The following CRLF3 variants were observed in gnomAD, a reference collection of about 807,000 sequenced individuals.
CRLF3 encodes cytokine receptor-like factor 3.
In CRLF3, 33 loss-of-function variants were observed where a neutral mutation model predicts 55.0. The ratio of observed to expected loss-of-function variants is 0.60; its 90% CI spans 0.46 to 0.80. The LOEUF (loss-of-function observed/expected upper bound fraction) is 0.80, where lower values mean the gene tolerates loss of function less well. Ranked by LOEUF, CRLF3 falls within the 30% of genes least tolerant of loss-of-function variation. The pLI is 0.00. For synonymous variants in CRLF3, 238 were observed against 196.8 expected (o/e 1.21, Z -1.75); for missense variants, 494 against 538.4 (o/e 0.92, Z 0.82).
chr17:30,801,666 A>C (rs565343737), intron 2 of CRLF3, among the ~76,000 whole-genome samples: 5 of 152,172 alleles, frequency 3.3e-5, no homozygotes, highest in African/African-American at 1.2e-4. Context: ...CCTGACCTCA[A>C]GTGATCCTCC....
At chr17:30,808,782 A>G (rs943634184) in intron 1 of CRLF3, among the ~76,000 whole-genome samples, 15 of 150,670 alleles carry the variant, frequency 1.0e-4, no homozygotes, top group African/African-American at 3.7e-4. Context: ...TTTAGTAGAG[A>G]CGGGGTTTCA....
Position 30,791,762 on chromosome 17 carries a change from C to T in CRLF3, c.959+678G>A, listed in dbSNP as rs534418035. The stretch of plus-strand genomic sequence containing the variant: ...CAATCTCCTGACCTCGTGATCCGCC[C>T]GCCTCAGCCTCCCAAAGTGCTGGGA... On this transcript the variant is annotated intron_variant, in intron 6 of 7. Coordinates refer to ENST00000324238, the MANE Select transcript of CRLF3 (RefSeq NM_015986.4). Among the ~76,000 whole-genome samples, 25 of 151,814 alleles carry T rather than the reference C, an allele frequency of 1.6e-4. No homozygotes were observed. In the East Asian group the frequency reaches 2.7e-3, roughly 16 times the overall value.
rs1971914599 is a variant in CRLF3 at position 30,796,171 on chromosome 17, G to A, written c.592C>T (p.Arg198Ter). ...TCTGAATTACATACCTTACACCATCGTACAATGATGCCTCCAGGTTTCTCT... is the reference window on the plus strand; with the variant it reads ...TCTGAATTACATACCTTACACCATCATACAATGATGCCTCCAGGTTTCTCT... ...LIEKPGGIIV[R>*]WCKVDDDFTA... The change falls in exon 4 of 8, where the codon CGA becomes TGA. Residue 198 changes from arginine to a stop codon, truncating the protein, a stop_gained. Coordinates refer to ENST00000324238, the MANE Select transcript of CRLF3 (RefSeq NM_015986.4). LOFTEE classifies it high-confidence loss of function. The A allele has an allele frequency of 3.1e-6, 5 of 1,611,296 alleles. No individual in the cohort carries two copies. Among genetic ancestry groups the A allele is most frequent in the Non-Finnish European group, 4.2e-6 (5 of 1,178,290 alleles).
chr17:30,794,779 G>GT (rs1971882908), intron 4 of CRLF3, among the ~76,000 whole-genome samples: 1 of 152,148 alleles, frequency 6.6e-6, no homozygotes. Flanking sequence ...GGGTGACAGA[G>GT]TGAGACCCTG....
chr17:30,800,155 G>C (rs1435439370), intron 2 of CRLF3, among the ~76,000 whole-genome samples: 4 of 152,132 alleles, frequency 2.6e-5, no homozygotes, highest in Admixed American at 6.6e-5. Context: ...AGAAGAGATG[G>C]AATTCAGTCT....
chr17:30,811,929 T>C (rs1904641611), intron 1 of CRLF3, among the ~76,000 whole-genome samples: 1 of 144,138 alleles, frequency 6.9e-6, no homozygotes, highest in Non-Finnish European at 1.5e-5. Context: ...GCTAACATGG[T>C]GAAACCCCGT....
At chr17:30,815,080 C>CTTTTTTTTT (rs200193418) in intron 1 of CRLF3, among the ~76,000 whole-genome samples, 1 of 142,552 alleles carries the variant, frequency 7.0e-6, no homozygotes, top group Non-Finnish European at 1.5e-5. Flanking sequence ...TTTTTTCTTT[C>CTTTTTTTTT]TTTCTTTTTT....
At chr17:30,818,607 C>T (rs570409770) in intron 1 of CRLF3, among the ~76,000 whole-genome samples, 1 of 151,512 alleles carries the variant, frequency 6.6e-6, no homozygotes, top group South Asian at 2.1e-4. Flanking sequence ...GCGCCCACCA[C>T]CACACCCGGC....
chr17:30,798,714 C>T (rs975621068), intron 2 of CRLF3, among the ~76,000 whole-genome samples: 1 of 151,986 alleles, frequency 6.6e-6, no homozygotes, highest in Non-Finnish European at 1.5e-5. Flanking sequence ...TGGCACGCTC[C>T]TGTAGTTCTA....
chr17:30,789,465 T>TA (rs1445939099), intron 6 of CRLF3, among the ~76,000 whole-genome samples: 1 of 152,138 alleles, frequency 6.6e-6, no homozygotes, highest in Non-Finnish European at 1.5e-5. Flanking sequence ...AGGTAAAAGT[T>TA]AAAGAGCTAA....
intron 2 of CRLF3, among the ~76,000 whole-genome samples, chr17:30,802,535 A>T (rs1237398092): frequency 6.6e-6 from 1 of 151,900 alleles, no homozygotes; most frequent in Non-Finnish European, 1.5e-5. Context: ...GCCTCAAGGG[A>T]TCCTCCCGCC....
chr17:30,816,313 G>C (rs1249869391), intron 1 of CRLF3, among the ~76,000 whole-genome samples: 1 of 149,076 alleles, frequency 6.7e-6, no homozygotes, highest in Non-Finnish European at 1.5e-5. Context: ...CTTGTAAAAA[G>C]ATTTATTGGT....
At chr17:30,792,790 A>G (rs941499744) in intron 5 of CRLF3, 13 of 387,208 alleles carry the variant, frequency 3.4e-5, no homozygotes, top group Non-Finnish European at 5.9e-5. Flanking sequence ...AATAAATCAC[A>G]CAAGTGTTAT....
At chr17:30,807,512 CTTT>C (rs1904444828) in intron 1 of CRLF3, among the ~76,000 whole-genome samples, 29 of 65,676 alleles carry the variant, frequency 4.4e-4, no homozygotes, top group Non-Finnish European at 7.9e-4. Context: ...AAACAATTTT[CTTT>C]CCTTTTTTTT....
chr17:30,792,860 A>G (rs1010712792), intron 5 of CRLF3: 18 of 50,422 alleles, frequency 3.6e-4, no homozygotes, highest in Admixed American at 3.6e-3. Flanking sequence ...CAACCTGATA[A>G]AAATCTAATT....
At chr17:30,805,842 GA>G (rs1402692283) in intron 1 of CRLF3, among the ~76,000 whole-genome samples, 5 of 151,866 alleles carry the variant, frequency 3.3e-5, no homozygotes, top group African/African-American at 4.8e-5. Context: ...GGATAACATG[GA>G]GAAATCCTGT....
intron 1 of CRLF3, among the ~76,000 whole-genome samples, chr17:30,814,922 AC>A (rs1388974220): frequency 6.7e-6 from 1 of 148,178 alleles, no homozygotes; most frequent in African/African-American, 2.5e-5. Flanking sequence ...AATCACTTGA[AC>A]CCCCGGGAGG....
intron 2 of CRLF3, among the ~76,000 whole-genome samples, chr17:30,800,585 AATC>A (rs1971991231): frequency 3.3e-5 from 5 of 151,896 alleles, no homozygotes; most frequent in African/African-American, 9.7e-5. Flanking sequence ...TGCTCAGTAA[AATC>A]ATCAATAATT....
intron 6 of CRLF3, among the ~76,000 whole-genome samples, chr17:30,791,427 G>A (rs542447158): frequency 1.1e-4 from 17 of 151,648 alleles, no homozygotes; most frequent in African/African-American, 3.6e-4. Context: ...GGCTGGTCTC[G>A]AACTCCTGAC....
Sources: allele counts gnomAD v4.1 joint callset (sites outside exome capture counted in the v4.1 genomes callset), GRCh38; gene constraint gnomAD v4.1.1; transcripts MANE v1.5; gene names NCBI Gene and HGNC (gene_info 2026-07-23, HGNC 2026-07-21).